The following ADARB2 variants were observed in gnomAD, a reference collection of about 807,000 sequenced individuals.
ADARB2 encodes the protein adenosine deaminase RNA specific B2 (inactive).
In ADARB2, 25 loss-of-function variants were observed where a neutral mutation model predicts 62.2. That is an observed-to-expected ratio of 0.40 (90% CI 0.29 to 0.56). The LOEUF is 0.56. ADARB2 is among the 20% of genes least tolerant of loss of function. The pLI is 0.43. For synonymous variants in ADARB2, 572 were observed against 500.8 expected, an observed-to-expected ratio of 1.14 and a Z score of -1.90; for missense variants, 1,071 against 1,077.4, an observed-to-expected ratio of 0.99 and a Z score of 0.08.
At chr10:1,359,039 C>CATTTTTG (rs1188858039) in intron 3 of ADARB2, among the ~76,000 whole-genome samples, 1 of 152,146 alleles carries the variant, frequency 6.6e-6, no homozygotes, top group East Asian at 1.9e-4. Flanking sequence ...GGGGAGCAAA[C>CATTTTTG]TGAAGAGAGA....
chr10:1,722,064 T>C (rs927540287), intron 1 of ADARB2, among the ~76,000 whole-genome samples: 63 of 152,174 alleles, frequency 4.1e-4, no homozygotes, highest in African/African-American at 1.5e-3. Flanking sequence ...ATAAGTAAGA[T>C]TGGGAACAGA....
At chr10:1,469,892 A>G (rs1263152901) in intron 1 of ADARB2, among the ~76,000 whole-genome samples, 2 of 152,242 alleles carry the variant, frequency 1.3e-5, no homozygotes, top group African/African-American at 2.4e-5. Context: ...GGAAAAAACA[A>G]TCAGGTCTTG....
intron 1 of ADARB2, among the ~76,000 whole-genome samples, chr10:1,728,098 CTCTT>C: frequency 6.6e-6 from 1 of 152,334 alleles, no homozygotes. Flanking sequence ...TTCTTTGTCT[CTCTT>C]TCCATTAAAA....
intron 1 of ADARB2, among the ~76,000 whole-genome samples, chr10:1,433,028 CA>C (rs1233366246): frequency 6.6e-6 from 1 of 151,910 alleles, no homozygotes; most frequent in Admixed American, 6.6e-5. Context: ...ACTAACAAGC[CA>C]AAAAAATCTC....
At chr10:1,347,281 C>G (rs371285366) in intron 3 of ADARB2, among the ~76,000 whole-genome samples, 2 of 152,294 alleles carry the variant, frequency 1.3e-5, no homozygotes, top group East Asian at 3.9e-4. Flanking sequence ...GTCAGAGGAC[C>G]GAGGCCTTGT....
chr10:1,517,205 A>C (rs919551041), intron 1 of ADARB2, among the ~76,000 whole-genome samples: 20 of 152,110 alleles, frequency 1.3e-4, no homozygotes, highest in Non-Finnish European at 1.3e-4. Context: ...TTTTTGGAAA[A>C]GGGCACTACC....
At chr10:1,598,342 G>T (rs972180262) in intron 1 of ADARB2, among the ~76,000 whole-genome samples, 1 of 152,128 alleles carries the variant, frequency 6.6e-6, no homozygotes, top group African/African-American at 2.4e-5. Flanking sequence ...AATTCCAGAG[G>T]TGGGTGCACT....
rs534426119 is a variant in ADARB2, at chr10:1,276,095, A to G, written c.1078-5026T>C. Reference sequence around the variant, plus strand: ...AGGAATCGCCACACTGACTTCCACAATGGTTGAACTAGTTTACAGTCCCAC... The same window carrying G: ...AGGAATCGCCACACTGACTTCCACAGTGGTTGAACTAGTTTACAGTCCCAC... On this transcript the variant is annotated intron_variant, in intron 3 of 9. Coordinates refer to ENST00000381312, the MANE Select transcript of ADARB2 (RefSeq NM_018702.4). Among the ~76,000 whole-genome samples the G allele has an allele frequency of 9.9e-5, 15 of 152,200 alleles. No homozygotes were observed. In the South Asian group the frequency reaches 1.7e-3, roughly 17 times the overall value.
At chr10:1,364,023 C>T in intron 2 of ADARB2, 106 bp from the exon 3 acceptor site, 2 of 1,363,678 alleles carry the variant, frequency 1.5e-6, no homozygotes, top group Non-Finnish European at 1.9e-6. Flanking sequence ...TCGCCGCCCG[C>T]GCCCCCAGGT....
At chr10:1,554,190 AGGCTCTG>A (rs2131980727) in intron 1 of ADARB2, among the ~76,000 whole-genome samples, 1 of 152,184 alleles carries the variant, frequency 6.6e-6, no homozygotes, top group South Asian at 2.1e-4. Flanking sequence ...CCTGTGCCCT[AGGCTCTG>A]GGCTTCTTAC....
intron 1 of ADARB2, among the ~76,000 whole-genome samples, chr10:1,410,386 C>A (rs1033115094): frequency 6.6e-6 from 1 of 152,192 alleles, no homozygotes; most frequent in Non-Finnish European, 1.5e-5. Context: ...GCTGCTGCCA[C>A]GAGCACAGTA....
intron 1 of ADARB2, among the ~76,000 whole-genome samples, chr10:1,672,319 G>A (rs1458744396): frequency 6.6e-6 from 1 of 152,164 alleles, no homozygotes; most frequent in African/African-American, 2.4e-5. Flanking sequence ...GAGCACCTTG[G>A]CCATCCTAAA....
At chr10:1,506,592 G>A (rs761095127) in intron 1 of ADARB2, among the ~76,000 whole-genome samples, 2 of 152,260 alleles carry the variant, frequency 1.3e-5, no homozygotes, top group Non-Finnish European at 2.9e-5. Flanking sequence ...GTGGGCTCCA[G>A]GCGTCCTGCC....
At chr10:1,267,856 C>T (rs1306996815) in intron 4 of ADARB2, among the ~76,000 whole-genome samples, 1 of 152,184 alleles carries the variant, frequency 6.6e-6, no homozygotes, top group Non-Finnish European at 1.5e-5. Flanking sequence ...ATCTGCAACA[C>T]TCTCATCAGA....
chr10:1,277,589 C>A (rs896189858), intron 3 of ADARB2, among the ~76,000 whole-genome samples: 3 of 152,158 alleles, frequency 2.0e-5, no homozygotes, highest in African/African-American at 4.8e-5. Flanking sequence ...CAAAAACAGG[C>A]TCTGAAATTG....
chr10:1,259,670 C>A (rs1453073164), intron 4 of ADARB2, among the ~76,000 whole-genome samples: 1 of 152,090 alleles, frequency 6.6e-6, no homozygotes, highest in African/African-American at 2.4e-5. Context: ...AGCTTACCAA[C>A]CAAAAAAAGT....
rs925620132 is a variant in ADARB2, at chr10:1,679,371, T to C, written c.100+57680A>G. 2.6e-5 allele frequency among the ~76,000 whole-genome samples: 4 copies of C among 152,092 alleles called. 1 individual carries two copies. The highest frequency in any genetic ancestry group is 5.9e-5 in the Non-Finnish European group (4 of 68,016). ...CCACAATAGCCAAGGAGTCTCTATT[T>C]CCCTCCCTGAATTGTCTCATCAGAC... On this transcript the variant is annotated intron_variant, in intron 1 of 9. Transcript: ENST00000381312.
At chr10:1,596,373 G>A (rs576943710) in intron 1 of ADARB2, among the ~76,000 whole-genome samples, 1 of 152,318 alleles carries the variant, frequency 6.6e-6, no homozygotes, top group Admixed American at 6.5e-5. Context: ...CATGAAGAGG[G>A]ATCCTTTTGG....
chr10:1,728,872 C>A lies in ADARB2; in HGVS notation c.100+8179G>T, dbSNP rs560739893. Among the ~76,000 whole-genome samples the A allele has an allele frequency of 2.2e-4, 33 of 152,334 alleles. No homozygotes were observed. The South Asian group carries it at 6.0e-3, about 28-fold the overall frequency. On this transcript the variant is annotated intron_variant, in intron 1 of 9. Transcript: ENST00000381312. Reference sequence around the variant, plus strand: ...GAGGCAACAGCTTTTGCTCTCAGTTCAGTATCACTCAGGGCTGTCAAAGTT... The same window carrying A: ...GAGGCAACAGCTTTTGCTCTCAGTTAAGTATCACTCAGGGCTGTCAAAGTT...
Sources: allele counts gnomAD v4.1 joint callset (sites outside exome capture counted in the v4.1 genomes callset), GRCh38; gene constraint gnomAD v4.1.1; transcripts MANE v1.5; gene names NCBI Gene and HGNC (gene_info 2026-07-23, HGNC 2026-07-21).